Variants in NTF3 observed in about 807,000 individuals in gnomAD.
NTF3 encodes neurotrophin 3.
Under a neutral mutation model 26.3 loss-of-function variants are expected in NTF3, and 8 were observed. The observed-to-expected ratio is 0.30, with a 90% CI of 0.18 to 0.55. The LOEUF is 0.55. Ranked by LOEUF, NTF3 falls within the 20% of genes least tolerant of loss-of-function variation. NTF3 has a pLI of 0.93. For missense variants in NTF3, 276 were observed against 352.9 expected (o/e 0.78, Z 1.75); for synonymous variants, 154 against 145.5 (o/e 1.06, Z -0.42).
chr12:5,476,801 T>C (rs1240897454), intron 1 of NTF3, among the ~76,000 whole-genome samples: 1 of 152,194 alleles, frequency 6.6e-6, no homozygotes, highest in Non-Finnish European at 1.5e-5. Context: ...AGAATTGTAA[T>C]ATAAGGAGAG....
At chr12:5,477,884 C>A (rs530219730) in intron 1 of NTF3, among the ~76,000 whole-genome samples, 2 of 152,172 alleles carry the variant, frequency 1.3e-5, no homozygotes, top group Non-Finnish European at 1.5e-5. Context: ...CCAGATTTCT[C>A]ACTTTCTGGG....
At chr12:5,481,666 GCA>G (rs935942772) in intron 1 of NTF3, among the ~76,000 whole-genome samples, 1 of 119,082 alleles carries the variant, frequency 8.4e-6, no homozygotes, top group Non-Finnish European at 1.7e-5. Flanking sequence ...ATACACACAT[GCA>G]CACACATGTA....
intron 1 of NTF3, among the ~76,000 whole-genome samples, chr12:5,467,228 C>CAAAAAAAAAAAAAAAAA (rs60794349): frequency 6.1e-5 from 3 of 49,548 alleles, no homozygotes; most frequent in Admixed American, 3.3e-4. Context: ...GACTCCGTCT[C>CAAAAAAAAAAAAAAAAA]AAAAAAAAAA....
chr12:5,430,979 G>C (rs1240405287), upstream of NTF3, among the ~76,000 whole-genome samples: 5 of 152,112 alleles, frequency 3.3e-5, no homozygotes, highest in Admixed American at 3.3e-4. Flanking sequence ...TGATCACTAA[G>C]TGGTATTTTT....
intron 1 of NTF3, among the ~76,000 whole-genome samples, chr12:5,446,814 A>G (rs1940312804): frequency 6.6e-6 from 1 of 152,212 alleles, no homozygotes; most frequent in South Asian, 2.1e-4. Flanking sequence ...TGCTTCGGTA[A>G]GAGCTTTGGA....
At chr12:5,473,320 T>C (rs1410726214) in intron 1 of NTF3, among the ~76,000 whole-genome samples, 1 of 152,210 alleles carries the variant, frequency 6.6e-6, no homozygotes, top group African/African-American at 2.4e-5. Flanking sequence ...ATGTGGGCCC[T>C]GCCCTCAGGA....
At chr12:5,487,169 C>T (rs766079152) in intron 1 of NTF3, among the ~76,000 whole-genome samples, 6 of 152,218 alleles carry the variant, frequency 3.9e-5, no homozygotes, top group Non-Finnish European at 8.8e-5. Flanking sequence ...TAAGATCTCT[C>T]TTTGCCAAGA....
intron 1 of NTF3, among the ~76,000 whole-genome samples, chr12:5,493,528 A>T (rs1940964617): frequency 6.6e-6 from 1 of 152,030 alleles, no homozygotes; most frequent in Admixed American, 6.6e-5. Context: ...TCAGTTGGTG[A>T]TGCGTATGTA....
In NTF3 at chr12:5,443,837, T is replaced by C. The variant is rs1000565152; in HGVS notation, c.18+11495T>C. Reference sequence around the variant, plus strand: ...GTGTTTATTGCATATTCTTGCCTTTTGATGTGTGTGTGTGCATGAGAGAGA... The same window carrying C: ...GTGTTTATTGCATATTCTTGCCTTTCGATGTGTGTGTGTGCATGAGAGAGA... On this transcript the variant is annotated intron_variant, in intron 1 of 1. Coordinates refer to ENST00000423158, the MANE Select transcript of NTF3 (RefSeq NM_001102654.2). Among the ~76,000 whole-genome samples, 9 of 152,132 alleles carry C rather than the reference T, an allele frequency of 5.9e-5. No individual in the cohort carries two copies. In the East Asian group the frequency reaches 7.7e-4, roughly 13 times the overall value.
At chr12:5,449,814 G>A (rs142773015) in intron 1 of NTF3, among the ~76,000 whole-genome samples, 17 of 152,222 alleles carry the variant, frequency 1.1e-4, no homozygotes, top group African/African-American at 3.9e-4. Flanking sequence ...GAACATTCTC[G>A]CACATGCATT....
chr12:5,459,882 T>C (rs963941543), intron 1 of NTF3, among the ~76,000 whole-genome samples: 1 of 152,250 alleles, frequency 6.6e-6, no homozygotes, highest in African/African-American at 2.4e-5. Context: ...TGATTTGCCA[T>C]TCCAGATGCT....
At chr12:5,474,758 G>A (rs1418659098) in intron 1 of NTF3, among the ~76,000 whole-genome samples, 1 of 152,194 alleles carries the variant, frequency 6.6e-6, no homozygotes, top group African/African-American at 2.4e-5. Context: ...CCAGGCGAAA[G>A]AGGTAGCATG....
At chr12:5,453,199 TAAC>T (rs1940397400) in intron 1 of NTF3, among the ~76,000 whole-genome samples, 1 of 152,258 alleles carries the variant, frequency 6.6e-6, no homozygotes, top group Non-Finnish European at 1.5e-5. Flanking sequence ...AATAAATTAA[TAAC>T]AATGATGAAC....
chr12:5,486,539 A>G lies in NTF3; in HGVS notation c.19-7655A>G, dbSNP rs75719439. 5.8e-4 allele frequency among the ~76,000 whole-genome samples: 88 copies of G among 152,330 alleles called. 1 individual carries two copies. In the East Asian group the frequency reaches 0.015, roughly 26 times the overall value. ...TTGTAATGGTATCACTTACAGTTGT[A>G]TAGCATTTTGCAGACAACGTATACA... On this transcript the variant is annotated intron_variant, in intron 1 of 1. Transcript: ENST00000423158.
chr12:5,454,140 T>C (rs1487135663), intron 1 of NTF3, among the ~76,000 whole-genome samples: 4 of 152,176 alleles, frequency 2.6e-5, no homozygotes, highest in Non-Finnish European at 4.4e-5. Context: ...AGATCAAGGT[T>C]GCGGTCAGGG....
chr12:5,485,568 A>C (rs1044089099), intron 1 of NTF3, among the ~76,000 whole-genome samples: 2 of 152,240 alleles, frequency 1.3e-5, no homozygotes, highest in African/African-American at 4.8e-5. Flanking sequence ...ACAGTCTAGC[A>C]TATGGGGAGG....
At chr12:5,490,440 C>G (rs1940920923) in intron 1 of NTF3, among the ~76,000 whole-genome samples, 1 of 152,218 alleles carries the variant, frequency 6.6e-6, no homozygotes, top group African/African-American at 2.4e-5. Flanking sequence ...ATGAAGCTCT[C>G]TGCAGATGAC....
intron 1 of NTF3, among the ~76,000 whole-genome samples, chr12:5,476,825 T>C (rs1358747581): frequency 6.6e-6 from 1 of 152,214 alleles, no homozygotes; most frequent in Non-Finnish European, 1.5e-5. Context: ...GCCTAGATTG[T>C]AATAGTAAGT....
chr12:5,476,679 A>G (rs761860629), intron 1 of NTF3, among the ~76,000 whole-genome samples: 1 of 152,216 alleles, frequency 6.6e-6, no homozygotes, highest in Non-Finnish European at 1.5e-5. Flanking sequence ...AGCACTGTTT[A>G]TGGGAGCAGA....
Sources: allele counts gnomAD v4.1 joint callset (sites outside exome capture counted in the v4.1 genomes callset), GRCh38; gene constraint gnomAD v4.1.1; transcripts MANE v1.5; gene names NCBI Gene and HGNC (gene_info 2026-07-23, HGNC 2026-07-21).